The following IFT122 variants were observed in gnomAD, a reference collection of about 807,000 sequenced individuals.
IFT122 encodes intraflagellar transport 122.
Under a neutral mutation model 161.6 loss-of-function variants are expected in IFT122, and 118 were observed. The ratio of observed to expected loss-of-function variants is 0.73; its 90% CI spans 0.63 to 0.85. IFT122 has a LOEUF of 0.85. Ranked by LOEUF, IFT122 falls within the 40% of genes least tolerant of loss-of-function variation. IFT122 has a pLI of 0.00. For missense variants in IFT122, 1,381 were observed against 1,579.6 expected (o/e 0.87, Z 2.13); for synonymous variants, 550 against 602.4 (o/e 0.91, Z 1.27).
chr3:129,460,479 A>G (rs1287984125), intron 4 of IFT122, among the ~76,000 whole-genome samples: 6 of 151,458 alleles, frequency 4.0e-5, no homozygotes, highest in African/African-American at 7.3e-5. Context: ...AGGTCTCACT[A>G]TGACTCCTGA....
intron 18 of IFT122, among the ~76,000 whole-genome samples, chr3:129,496,603 C>T (rs1198836958): frequency 4.6e-5 from 7 of 152,146 alleles, no homozygotes; most frequent in Non-Finnish European, 7.3e-5. Context: ...ACCACCTGTT[C>T]GACCCTGGGG....
At chr3:129,491,677 G>C (rs1301281438) in intron 16 of IFT122, among the ~76,000 whole-genome samples, 2 of 152,172 alleles carry the variant, frequency 1.3e-5, no homozygotes, top group African/African-American at 4.8e-5. Flanking sequence ...TGGGTCCCCT[G>C]TGTCTGTGGC....
chr3:129,507,886 T>C (rs2082349628), intron 23 of IFT122, 124 bp downstream of exon 23: 3 of 782,596 alleles, frequency 3.8e-6, no homozygotes, highest in Non-Finnish European at 6.7e-6. Flanking sequence ...TGCTGAGGAA[T>C]CTTGGTCTCC....
At chr3:129,492,068 C>T in intron 16 of IFT122, 73 bp from the exon 17 acceptor site, 1 of 1,138,572 alleles carries the variant, frequency 8.8e-7, no homozygotes. Flanking sequence ...AGCTTGACTT[C>T]CCACCCCTAG....
chr3:129,464,229 G>A (rs547485100), intron 6 of IFT122, among the ~76,000 whole-genome samples: 1 of 152,306 alleles, frequency 6.6e-6, no homozygotes, highest in South Asian at 2.1e-4. Flanking sequence ...CATCTGTTGA[G>A]CACCTTCTAC....
intron 5 of IFT122, chr3:129,461,584 G>A: frequency 2.1e-6 from 1 of 468,068 alleles, no homozygotes; most frequent in African/African-American, 2.0e-5. Flanking sequence ...ACTTGGTGTT[G>A]CTGCCTTTGG....
At chr3:129,469,768 T>G (rs1210883325) in intron 9 of IFT122, among the ~76,000 whole-genome samples, 3 of 152,230 alleles carry the variant, frequency 2.0e-5, no homozygotes, top group African/African-American at 4.8e-5. Context: ...TTGACCTTAC[T>G]TTCCTCTATT....
At chr3:129,497,026 A>G (rs1375357871) in intron 18 of IFT122, among the ~76,000 whole-genome samples, 2 of 152,182 alleles carry the variant, frequency 1.3e-5, no homozygotes, top group Non-Finnish European at 2.9e-5. Context: ...CAAACCTGTA[A>G]TACTAGCACT....
At chr3:129,468,463 G>A (rs944882493) in intron 8 of IFT122, among the ~76,000 whole-genome samples, 1 of 152,090 alleles carries the variant, frequency 6.6e-6, no homozygotes, top group Non-Finnish European at 1.5e-5. Context: ...TTGTGCCTCA[G>A]CCTCTGGAAT....
Position 129,469,431 on chromosome 3 carries a change from T to G in IFT122, c.816+14T>G, listed in dbSNP as rs772246533. The G allele has an allele frequency of 6.2e-7, 1 of 1,601,294 alleles. No individual in the cohort carries two copies. Among genetic ancestry groups the G allele is most frequent in the East Asian group, 2.2e-5 (1 of 44,816 alleles). On this transcript the variant is annotated intron_variant, in intron 9 of 29. Coordinates refer to ENST00000348417, the MANE Select transcript of IFT122 (RefSeq NM_052989.3). ...AGTGGAAAACAGGTATGTAGCCCTG[T>G]ACAAATCCAATTGCAGTCATGCCTG...
chr3:129,512,288 C>A, intron 23 of IFT122, 24 bp from the exon 24 acceptor site: 4 of 1,551,860 alleles, frequency 2.6e-6, no homozygotes, highest in Non-Finnish European at 3.6e-6. Flanking sequence ...AACTCAATCC[C>A]TGTTTGCTTT....
chr3:129,496,164 G>A (rs1235082893), intron 18 of IFT122, among the ~76,000 whole-genome samples: 1 of 152,126 alleles, frequency 6.6e-6, no homozygotes, highest in Non-Finnish European at 1.5e-5. Context: ...CCATGTGGTT[G>A]CAGTGGGTGA....
At chr3:129,470,531 C>A (rs1392624609) in intron 9 of IFT122, among the ~76,000 whole-genome samples, 1 of 151,938 alleles carries the variant, frequency 6.6e-6, no homozygotes, top group Non-Finnish European at 1.5e-5. Flanking sequence ...TCCCAAAGTG[C>A]TGGGATTACA....
chr3:129,470,372 T>G (rs1323699202), intron 9 of IFT122, among the ~76,000 whole-genome samples: 1 of 152,104 alleles, frequency 6.6e-6, no homozygotes. Context: ...CACGCCATTC[T>G]CCTACCTCAG....
intron 26 of IFT122, among the ~76,000 whole-genome samples, chr3:129,516,276 G>GAA (rs2083561638): frequency 1.5e-5 from 1 of 65,336 alleles, no homozygotes; most frequent in Non-Finnish European, 2.7e-5. Context: ...CACACACACA[G>GAA]ATTGCTCCTG....
intron 19 of IFT122, among the ~76,000 whole-genome samples, chr3:129,500,524 G>C (rs1341504616): frequency 6.6e-6 from 1 of 152,248 alleles, no homozygotes; most frequent in African/African-American, 2.4e-5. Flanking sequence ...CCAACTACGC[G>C]TGTAATGGTA....
intron 26 of IFT122, among the ~76,000 whole-genome samples, 191 bp downstream of exon 26, chr3:129,515,790 C>T (rs1009803826): frequency 2.0e-5 from 3 of 152,170 alleles, no homozygotes; most frequent in Admixed American, 6.5e-5. Context: ...AGAGATAGGA[C>T]CCACTGCTGC....
intron 1 of IFT122, among the ~76,000 whole-genome samples, chr3:129,445,356 G>C (rs1456133909): frequency 6.6e-6 from 1 of 152,102 alleles, no homozygotes; most frequent in Non-Finnish European, 1.5e-5. Context: ...CAAAAAAACA[G>C]ATTGCCTTGG....
intron 1 of IFT122, among the ~76,000 whole-genome samples, chr3:129,443,002 C>A (rs1026018111): frequency 3.9e-5 from 6 of 152,176 alleles, no homozygotes; most frequent in African/African-American, 1.4e-4. Context: ...TTAGGCTAGC[C>A]CACTGTATTC....
Sources: gnomAD v4.1 joint callset for allele counts (sites outside exome capture counted in the v4.1 genomes callset) on GRCh38, gnomAD v4.1.1 for gene constraint, MANE v1.5 for transcripts, NCBI Gene and HGNC (gene_info 2026-07-23, HGNC 2026-07-21) for gene names.